Variants in PNPT1 observed in about 807,000 individuals in gnomAD.
PNPT1 encodes the protein polyribonucleotide nucleotidyltransferase 1.
In PNPT1, 53 loss-of-function variants were observed where a neutral mutation model predicts 119.5. The ratio of observed to expected loss-of-function variants is 0.44; its 90% confidence interval spans 0.36 to 0.56. The LOEUF (loss-of-function observed/expected upper bound fraction) is 0.56. Ranked by LOEUF, PNPT1 falls within the 20% of genes least tolerant of loss-of-function variation. The probability of loss-of-function intolerance (pLI) is 0.00; values close to 1 mark genes in which losing one functional copy is unlikely to be tolerated. For missense variants in PNPT1, 948 were observed against 938.5 expected (o/e 1.01, Z -0.13); for synonymous variants, 357 against 322.1 (o/e 1.11, Z -1.16).
In PNPT1 at chr2:55,643,319, A is replaced by G. The variant is rs140561046; in HGVS notation, c.2013T>C (p.Asp671=). The G allele has an allele frequency of 4.8e-5, 78 of 1,613,898 alleles. No individual in the cohort carries two copies. Among genetic ancestry groups the G allele is most frequent in the Non-Finnish European group, 2.7e-5 (32 of 1,179,730 alleles). The change falls in exon 24 of 28, where the codon GAT becomes GAC. Residue 671 remains aspartate, a splice_region_variant and synonymous_variant. Transcript: ENST00000447944. ...CGTAATTAATATGATCTATACTTAC[A>G]TCATCCTTGCAGATTTCAGTAATGA... ...RDFITEICKD[D]QEQQLEFGAV... is the part of the protein sequence containing the mutation.
intron 4 of PNPT1, among the ~76,000 whole-genome samples, chr2:55,684,374 C>G (rs1435708125): frequency 6.6e-6 from 1 of 152,016 alleles, no homozygotes; most frequent in Non-Finnish European, 1.5e-5. Flanking sequence ...CCTGTAATCC[C>G]AATCACTTGA....
intron 25 of PNPT1, among the ~76,000 whole-genome samples, chr2:55,641,527 A>G (rs931501750): frequency 2.0e-5 from 3 of 152,086 alleles, no homozygotes; most frequent in Non-Finnish European, 4.4e-5. Context: ...TAAATATTTT[A>G]AAAATAGTAT....
At chr2:55,678,280 A>G (rs1697146598) in intron 8 of PNPT1, among the ~76,000 whole-genome samples, 1 of 152,220 alleles carries the variant, frequency 6.6e-6, no homozygotes, top group African/African-American at 2.4e-5. Flanking sequence ...GACATCATCT[A>G]TTATTCATGG....
At chr2:55,648,469 A>T (rs1696074488) in intron 18 of PNPT1, among the ~76,000 whole-genome samples, 2 of 152,232 alleles carry the variant, frequency 1.3e-5, no homozygotes, top group Non-Finnish European at 2.9e-5. Flanking sequence ...GTAAGAAGGT[A>T]TATGCTACTC....
At chr2:55,681,650 G>C (rs1202259800) in intron 5 of PNPT1, among the ~76,000 whole-genome samples, 2 of 151,754 alleles carry the variant, frequency 1.3e-5, no homozygotes, top group African/African-American at 4.8e-5. Flanking sequence ...TTCAAGACCA[G>C]CCTGGCCAAC....
chr2:55,643,475 T>C, intron 23 of PNPT1, 50 bp from the exon 24 acceptor site: 2 of 1,511,614 alleles, frequency 1.3e-6, no homozygotes, highest in Middle Eastern at 2.3e-4. Context: ...CTGGGCATAG[T>C]GGGTCACATC....
intron 5 of PNPT1, among the ~76,000 whole-genome samples, chr2:55,682,398 T>C (rs530031123): frequency 1.3e-5 from 2 of 151,928 alleles, no homozygotes; most frequent in East Asian, 1.9e-4. Context: ...GAGGCAGAGA[T>C]TGCAGTGAGC....
At chr2:55,662,805 C>A (rs1054951554) in intron 13 of PNPT1, among the ~76,000 whole-genome samples, 4 of 152,012 alleles carry the variant, frequency 2.6e-5, no homozygotes, top group African/African-American at 7.2e-5. Context: ...GGAAACAGGG[C>A]CCATTCTCAA....
In PNPT1 at chr2:55,673,080, CTATT is replaced by C; in HGVS notation, c.680-5_680-2del. 1 of 1,554,372 alleles carries C rather than the reference CTATT, an allele frequency of 6.4e-7. No homozygotes were observed. The stretch of plus-strand genomic sequence containing the variant: ...TTCTCTGCAGAGGCTTCCAACATGA[CTATT>C]TAAAGGAAAAAGAAAAAAAAAATGA... On this transcript the variant is annotated splice_acceptor_variant and splice_polypyrimidine_tract_variant and intron_variant, in intron 8 of 27. Transcript: ENST00000447944. LOFTEE classifies it high-confidence loss of function.
intron 2 of PNPT1, among the ~76,000 whole-genome samples, chr2:55,687,129 G>A (rs1697431981): frequency 6.6e-6 from 1 of 151,392 alleles, no homozygotes; most frequent in Non-Finnish European, 1.5e-5. Context: ...CAGGAGAATG[G>A]CGTGAACCTG....
At chr2:55,675,569 G>C (rs1697040139) in intron 8 of PNPT1, among the ~76,000 whole-genome samples, 1 of 151,886 alleles carries the variant, frequency 6.6e-6, no homozygotes, top group South Asian at 2.1e-4. Context: ...GTGGTGACAT[G>C]TGCCTGGATT....
At chr2:55,680,602 C>G in intron 7 of PNPT1, 110 bp downstream of exon 7, 1 of 992,772 alleles carries the variant, frequency 1.0e-6, no homozygotes, top group Middle Eastern at 3.2e-4. Context: ...TAGTTCAATT[C>G]ATGAAGAGGT....
Position 55,646,286 on chromosome 2 carries a change from C to T in PNPT1, c.1711G>A (p.Val571Met). ...IKLPGIPIKI[V>M]MEAIQQASVA... ...GAAGCTTGTTGAATAGCCTCCATCACAATTTTTATTGGTATTCCAGGTAAT... is the reference window on the plus strand; with the variant it reads ...GAAGCTTGTTGAATAGCCTCCATCATAATTTTTATTGGTATTCCAGGTAAT... The change falls in exon 21 of 28, where the codon GTG (valine) becomes ATG (methionine). Residue 571 changes from valine to methionine, a missense_variant. Val to Met is a conservative substitution (Grantham distance 21). Transcript: ENST00000447944. 6.2e-7 allele frequency: 1 copy of T among 1,613,336 alleles called. No homozygotes were observed. Among genetic ancestry groups the T allele is most frequent in the Non-Finnish European group, 8.5e-7 (1 of 1,179,502 alleles).
rs758915545 is a variant in PNPT1, at chr2:55,643,395, G to A, written c.1937C>T (p.Thr646Met). The change falls in exon 24 of 28, where the codon ACG (threonine) becomes ATG (methionine). Residue 646 changes from threonine to methionine, a missense_variant. By Grantham distance (81) the Thr-to-Met change is moderately conservative. Transcript: ENST00000447944. ...GGGTGTTGGTGCAAATACAGAAAACGTTTCTTCATCCACCTGACTAATAGT... is the reference window on the plus strand; with the variant it reads ...GGGTGTTGGTGCAAATACAGAAAACATTTCTTCATCCACCTGACTAATAGT... ...GVTISQVDEE[T>M]FSVFAPTPSA... 4.3e-6 allele frequency: 7 copies of A among 1,613,892 alleles called. No homozygotes were observed. Among genetic ancestry groups the A allele is most frequent in the East Asian group, 2.2e-5 (1 of 44,904 alleles).
In PNPT1 at chr2:55,685,061, T is replaced by A. The variant is rs368942791; in HGVS notation, c.298-13A>T. 1.3e-6 allele frequency: 2 copies of A among 1,555,138 alleles called. No homozygotes were observed. Among genetic ancestry groups the A allele is most frequent in the Admixed American group, 3.8e-5 (2 of 52,314 alleles). On this transcript the variant is annotated splice_polypyrimidine_tract_variant and intron_variant, in intron 3 of 27. Transcript: ENST00000447944. ...GTCTGTAGTCAACCTGAAGCAGCAA[T>A]AAAAAAAAGTTCATATAATTCTTTT... is the stretch of plus-strand genomic sequence containing the variant.
At chr2:55,648,560 G>GT (rs1696076757) in intron 18 of PNPT1, among the ~76,000 whole-genome samples, 1 of 152,126 alleles carries the variant, frequency 6.6e-6, no homozygotes, top group Non-Finnish European at 1.5e-5. Flanking sequence ...AATCTGACTT[G>GT]TTTTTTATGA....
chr2:55,665,904 A>G (rs1044097685), intron 13 of PNPT1, among the ~76,000 whole-genome samples: 2 of 152,206 alleles, frequency 1.3e-5, no homozygotes, highest in African/African-American at 4.8e-5. Context: ...TAATAAACGA[A>G]AAGAAGGAGA....
At chr2:55,656,396 C>T in intron 15 of PNPT1, 25 bp from the exon 16 acceptor site, 3 of 1,525,906 alleles carry the variant, frequency 2.0e-6, no homozygotes, top group Non-Finnish European at 1.8e-6. Context: ...AACACAAACA[C>T]ACATATACAA....
intron 18 of PNPT1, among the ~76,000 whole-genome samples, chr2:55,648,138 T>G (rs530128096): frequency 6.6e-6 from 1 of 152,370 alleles, no homozygotes; most frequent in Admixed American, 6.5e-5. Flanking sequence ...GCAGCTAACA[T>G]TAGTGTATCC....
Sources: gnomAD v4.1 joint callset for allele counts (sites outside exome capture counted in the v4.1 genomes callset) on GRCh38, gnomAD v4.1.1 for gene constraint, MANE v1.5 for transcripts, NCBI Gene and HGNC (gene_info 2026-07-23, HGNC 2026-07-21) for gene names.